Variants in RSRC1 observed in about 807,000 individuals in gnomAD.
RSRC1 encodes serine/Arginine-related protein 53.
RSRC1 carries 39 observed loss-of-function variants against 49.1 expected under a neutral mutation model. The observed-to-expected ratio is 0.79, with a 90% confidence interval of 0.61 to 1.04. The LOEUF is 1.04. Among genes scored for constraint, RSRC1 ranks in the 50% least tolerant of loss-of-function variants. RSRC1 has a pLI of 0.00. For missense variants in RSRC1, 388 were observed against 402.4 expected, an observed-to-expected ratio of 0.96 and a Z score of 0.31; for synonymous variants, 143 against 130.8, an observed-to-expected ratio of 1.09 and a Z score of -0.63.
rs1713228972 is a variant in RSRC1, at chr3:158,544,737, A to C, written c.*462A>C. 6.6e-6 allele frequency: 1 copy of C among 152,342 alleles called. No individual in the cohort carries two copies. The highest frequency in any genetic ancestry group is 1.5e-5 in the Non-Finnish European group (1 of 68,132). 9.4% of individuals were successfully genotyped at this position (152,342 alleles called of 1,614,324 possible). Reference sequence around the variant, plus strand: ...CAAATTTTTAGGCACAATAAAAAGCACCCTAAACAATGTAAGCAGAATGTG... The same window carrying C: ...CAAATTTTTAGGCACAATAAAAAGCCCCCTAAACAATGTAAGCAGAATGTG... On this transcript the variant is annotated 3_prime_UTR_variant, in exon 10 of 10. Transcript: ENST00000611884.
chr3:158,208,765 A>G (rs1340710095), intron 4 of RSRC1, among the ~76,000 whole-genome samples: 1 of 152,178 alleles, frequency 6.6e-6, no homozygotes, highest in African/African-American at 2.4e-5. Context: ...ATTGGATACA[A>G]CATTATTTTG....
intron 6 of RSRC1, among the ~76,000 whole-genome samples, chr3:158,452,515 A>G (rs530404425): frequency 2.4e-4 from 36 of 152,310 alleles, no homozygotes; most frequent in African/African-American, 7.9e-4. Context: ...TGCTGGATAT[A>G]TTACTGGTGT....
chr3:158,324,048 A>G (rs1728923540), intron 5 of RSRC1, among the ~76,000 whole-genome samples: 1 of 152,202 alleles, frequency 6.6e-6, no homozygotes, highest in Admixed American at 6.5e-5. Flanking sequence ...AAATTTTCAT[A>G]TAATTTTTGC....
In RSRC1 at chr3:158,276,003, A is replaced by G; in HGVS notation, c.495-22036A>G. On this transcript the variant is annotated intron_variant, in intron 4 of 9. Coordinates refer to ENST00000611884, the MANE Select transcript of RSRC1 (RefSeq NM_001271838.2). ...GGGTGTCAGGATTTCTTCTGATAGT[A>G]TTATGGAATGGATTAATGAGGATAG... is the stretch of plus-strand genomic sequence containing the variant. 3.7e-6 allele frequency: 3 copies of G among 814,040 alleles called. No individual in the cohort carries two copies. The South Asian group carries it at 3.9e-5, about 11-fold the overall frequency. The allele number at this position is 814,040 out of a possible 1,614,324, so 50.4% of individuals were successfully genotyped here.
At chr3:158,237,952 C>T (rs1469239362) in intron 4 of RSRC1, among the ~76,000 whole-genome samples, 1 of 151,914 alleles carries the variant, frequency 6.6e-6, no homozygotes, top group Non-Finnish European at 1.5e-5. Flanking sequence ...ATAAATAGCT[C>T]CTATTATTTT....
intron 6 of RSRC1, among the ~76,000 whole-genome samples, chr3:158,432,447 C>T (rs73877207): frequency 2.0e-5 from 3 of 151,782 alleles, no homozygotes; most frequent in Non-Finnish European, 2.9e-5. Context: ...TTTTATCTGT[C>T]GATTTTTACC....
intron 6 of RSRC1, among the ~76,000 whole-genome samples, chr3:158,440,478 C>G (rs1736323198): frequency 6.6e-6 from 1 of 151,958 alleles, no homozygotes; most frequent in Non-Finnish European, 1.5e-5. Context: ...TTCAGGCATA[C>G]CTTTCCCAAA....
Position 158,195,347 on chromosome 3 carries a change from T to TG in RSRC1, c.321-7725_321-7724insG, listed in dbSNP as rs1389591576. Among the ~76,000 whole-genome samples, 8 of 150,068 alleles carry TG rather than the reference T, an allele frequency of 5.3e-5. No homozygotes were observed. In the East Asian group the frequency reaches 7.8e-4, roughly 15 times the overall value. ...TTTGCCCACTTGTTGATGGGGTTGTTTTTTTTTTTCTTGTAAATTTGTTTG... is the reference window on the plus strand; with the variant it reads ...TTTGCCCACTTGTTGATGGGGTTGTTGTTTTTTTTTCTTGTAAATTTGTTTG... On this transcript the variant is annotated intron_variant, in intron 3 of 9. Transcript: ENST00000611884.
At position 158,389,690 on chromosome 3, in the gene RSRC1, C is replaced by A. The variant is rs1444539126; in HGVS notation, c.583+34782C>A. Among the ~76,000 whole-genome samples, 4 of 152,238 alleles carry A rather than the reference C, an allele frequency of 2.6e-5. No individual in the cohort carries two copies. In the East Asian group the frequency reaches 5.8e-4, roughly 22 times the overall value. On this transcript the variant is annotated intron_variant, in intron 6 of 9. Coordinates refer to ENST00000611884, the MANE Select transcript of RSRC1 (RefSeq NM_001271838.2). ...TTAGCATGAGTTAAGGCATGTGAAA[C>A]AGTTTTTTTTGTGTTTATGTATAAT...
chr3:158,182,125 A>G (rs1719654958), intron 3 of RSRC1, among the ~76,000 whole-genome samples: 1 of 152,162 alleles, frequency 6.6e-6, no homozygotes, highest in Non-Finnish European at 1.5e-5. Flanking sequence ...AGAACAGTTC[A>G]TTAAGTTCAT....
At chr3:158,410,801 A>G (rs1204825085) in intron 6 of RSRC1, among the ~76,000 whole-genome samples, 1 of 152,110 alleles carries the variant, frequency 6.6e-6, no homozygotes. Context: ...TCACCAAATT[A>G]TTATAAAGCA....
chr3:158,521,108 A>T (rs1338033125), intron 7 of RSRC1, among the ~76,000 whole-genome samples: 2 of 152,190 alleles, frequency 1.3e-5, no homozygotes, highest in Non-Finnish European at 2.9e-5. Flanking sequence ...ATTCCCGAAG[A>T]TCACATATTT....
intron 6 of RSRC1, among the ~76,000 whole-genome samples, chr3:158,381,980 T>C (rs1287205975): frequency 4.6e-5 from 7 of 152,304 alleles, no homozygotes; most frequent in Non-Finnish European, 1.0e-4. Flanking sequence ...ACTGTAACTT[T>C]TTACTTTATA....
At chr3:158,315,881 C>T (rs1201610791) in intron 5 of RSRC1, among the ~76,000 whole-genome samples, 1 of 151,976 alleles carries the variant, frequency 6.6e-6, no homozygotes, top group African/African-American at 2.4e-5. Context: ...ACCGAAAATG[C>T]TGAAAATAGG....
intron 3 of RSRC1, among the ~76,000 whole-genome samples, chr3:158,143,663 T>C (rs1716890784): frequency 6.6e-6 from 1 of 152,278 alleles, no homozygotes; most frequent in Admixed American, 6.5e-5. Context: ...TTTTTAGCAG[T>C]CATGATTTCT....
chr3:158,198,278 T>C (rs1559939117), intron 3 of RSRC1, among the ~76,000 whole-genome samples: 2 of 152,168 alleles, frequency 1.3e-5, no homozygotes, highest in South Asian at 2.1e-4. Flanking sequence ...TTTGTGTTGG[T>C]TTAAAGTCTG....
intron 3 of RSRC1, among the ~76,000 whole-genome samples, chr3:158,190,027 C>T (rs1720144709): frequency 6.6e-6 from 1 of 151,562 alleles, no homozygotes; most frequent in Admixed American, 6.6e-5. Flanking sequence ...GAGTACATGG[C>T]CAATGGGATG....
intron 7 of RSRC1, among the ~76,000 whole-genome samples, chr3:158,511,069 C>G (rs1178030605): frequency 6.6e-6 from 1 of 151,376 alleles, no homozygotes; most frequent in Non-Finnish European, 1.5e-5. Flanking sequence ...AATAAACTTT[C>G]ACAATTTACT....
chr3:158,225,618 C>T (rs1232326751), intron 4 of RSRC1: 1 of 428,496 alleles, frequency 2.3e-6, no homozygotes, highest in Non-Finnish European at 4.6e-6. Context: ...GTAGAAGCAT[C>T]ATAGGTATAT....
Sources: allele counts gnomAD v4.1 joint callset (sites outside exome capture counted in the v4.1 genomes callset), GRCh38; gene constraint gnomAD v4.1.1; transcripts MANE v1.5; gene names NCBI Gene and HGNC (gene_info 2026-07-23, HGNC 2026-07-21).